Variants in ATP6V0A4 observed in about 807,000 individuals in gnomAD.
The protein encoded by ATP6V0A4 is ATPase H+ transporting V0 subunit a4.
In ATP6V0A4, 86 loss-of-function variants were observed where a neutral mutation model predicts 107.3. The observed-to-expected ratio is 0.80, with a 90% CI of 0.67 to 0.96. The LOEUF is 0.96. ATP6V0A4 is among the 40% of genes least tolerant of loss of function. The pLI is 0.00. For synonymous variants in ATP6V0A4, 353 were observed against 381.4 expected (o/e 0.93, Z 0.87); for missense variants, 908 against 1,045.6 (o/e 0.87, Z 1.81).
intron 1 of ATP6V0A4, among the ~76,000 whole-genome samples, chr7:138,793,556 T>C (rs1808522040): frequency 6.6e-6 from 1 of 152,168 alleles, no homozygotes; most frequent in African/African-American, 2.4e-5. Flanking sequence ...TCTAATGGAC[T>C]TACCCGGAGC....
rs528505817 is a variant in ATP6V0A4, at chr7:138,725,366, T to G, written c.2011-3341A>C. ...ATTTGTAATTACTAACACTGCAATG[T>G]TGGATGAGAGAAGATAGATCCCAAA... On this transcript the variant is annotated intron_variant, in intron 18 of 21. Transcript: ENST00000310018. Among the ~76,000 whole-genome samples the G allele has an allele frequency of 8.5e-5, 13 of 152,286 alleles. No homozygotes were observed. The East Asian group carries it at 2.3e-3, about 27-fold the overall frequency.
intron 5 of ATP6V0A4, among the ~76,000 whole-genome samples, chr7:138,763,975 A>T (rs12669992): frequency 0.034 from 4,899 of 143,528 alleles, 104 homozygotes; most frequent in Admixed American, 0.044. Context: ...TCAAAAAAAA[A>T]ATATATATAT....
intron 14 of ATP6V0A4, among the ~76,000 whole-genome samples, chr7:138,743,890 G>A (rs1234810106): frequency 1.3e-5 from 2 of 152,092 alleles, no homozygotes; most frequent in Non-Finnish European, 2.9e-5. Flanking sequence ...AGAGGCTGTC[G>A]CAATTTCTAT....
At position 138,772,976 on chromosome 7, in the gene ATP6V0A4, G is replaced by A. The variant is rs1412987099; in HGVS notation, c.-17-1712C>T. Among the ~76,000 whole-genome samples, 3 of 152,140 alleles carry A rather than the reference G, an allele frequency of 2.0e-5. No homozygotes were observed. In the South Asian group the frequency reaches 6.2e-4, roughly 31 times the overall value. The stretch of plus-strand genomic sequence containing the variant: ...CACATGAGAGCCAAGGGGAGGAGGA[G>A]GGCACAGAAGCTATTCCCAAAGATC... On this transcript the variant is annotated intron_variant, in intron 2 of 21. Coordinates refer to ENST00000310018, the MANE Select transcript of ATP6V0A4 (RefSeq NM_020632.3).
At chr7:138,707,710 T>G (rs1803519213) in intron 21 of ATP6V0A4, among the ~76,000 whole-genome samples, 2 of 151,402 alleles carry the variant, frequency 1.3e-5, no homozygotes, top group African/African-American at 4.9e-5. Context: ...GCCATGAATC[T>G]GAGGATTTTT....
rs182942721 is a variant in ATP6V0A4 at position 138,723,789 on chromosome 7, G to A, written c.2011-1764C>T. Among the ~76,000 whole-genome samples, 3 of 151,866 alleles carry A rather than the reference G, an allele frequency of 2.0e-5. No individual in the cohort carries two copies. The East Asian group carries it at 5.8e-4, about 29-fold the overall frequency. ...GATCCACCTGCCTCGGCCTCCCAAA[G>A]TGCTACGATTACAGGCGTGAGCCAC... On this transcript the variant is annotated intron_variant, in intron 18 of 21. Coordinates refer to ENST00000310018, the MANE Select transcript of ATP6V0A4 (RefSeq NM_020632.3).
chr7:138,792,770 T>TTTTTTTG, intron 1 of ATP6V0A4, among the ~76,000 whole-genome samples: 1 of 80,704 alleles, frequency 1.2e-5, no homozygotes, highest in Non-Finnish European at 2.5e-5. Context: ...AGGTTTGTTT[T>TTTTTTTG]TTTTTTTGTT....
intron 13 of ATP6V0A4, among the ~76,000 whole-genome samples, chr7:138,746,759 C>T (rs2117275964): frequency 6.6e-6 from 1 of 152,296 alleles, no homozygotes; most frequent in East Asian, 1.9e-4. Flanking sequence ...CCACCATGGC[C>T]TCCCAAAGTG....
At chr7:138,736,116 C>T (rs769533617) in intron 15 of ATP6V0A4, among the ~76,000 whole-genome samples, 6 of 151,980 alleles carry the variant, frequency 3.9e-5, no homozygotes, top group Non-Finnish European at 8.8e-5. Context: ...TGGCATGGCA[C>T]GTGCCTGTAG....
chr7:138,736,113 G>A (rs1432804449), intron 15 of ATP6V0A4, among the ~76,000 whole-genome samples: 1 of 151,858 alleles, frequency 6.6e-6, no homozygotes. Context: ...GCATGGCATG[G>A]CACGTGCCTG....
Position 138,711,739 on chromosome 7 carries a change from T to G in ATP6V0A4, c.2258-1944A>C, listed in dbSNP as rs185451971. Among the ~76,000 whole-genome samples the G allele has an allele frequency of 1.7e-3, 263 of 152,370 alleles. 1 individual carries two copies. The highest frequency in any genetic ancestry group is 6.1e-3 in the African/African-American group (252 of 41,582). ...TCCAGTGCTTAGCATTCGTGTGATC[T>G]TCACAGCTCAGGCTATGTTCATTTC... On this transcript the variant is annotated intron_variant, in intron 20 of 21. Coordinates refer to ENST00000310018, the MANE Select transcript of ATP6V0A4 (RefSeq NM_020632.3).
chr7:138,745,603 G>A (rs901124538), intron 13 of ATP6V0A4, among the ~76,000 whole-genome samples: 2 of 144,174 alleles, frequency 1.4e-5, no homozygotes, highest in Non-Finnish European at 3.0e-5. Context: ...CTTGAACCTG[G>A]GAGTTGGAGG....
At chr7:138,747,776 A>G in intron 12 of ATP6V0A4, 1 of 772,072 alleles carries the variant, frequency 1.3e-6, no homozygotes, top group Non-Finnish European at 2.0e-6. Context: ...TTTTTTTGAA[A>G]GTGGGTCTCG....
intron 12 of ATP6V0A4, chr7:138,747,785 C>T (rs552921486): frequency 3.4e-5 from 20 of 587,200 alleles, no homozygotes; most frequent in Admixed American, 9.9e-5. Context: ...AAGTGGGTCT[C>T]GCTCTGTCAC....
At chr7:138,707,222 A>T (rs1343767757) in intron 21 of ATP6V0A4, among the ~76,000 whole-genome samples, 1 of 84,292 alleles carries the variant, frequency 1.2e-5, no homozygotes, top group African/African-American at 5.3e-5. Context: ...ATTATATAGA[A>T]TATATTATAT....
chr7:138,723,894 A>C (rs1006755459), intron 18 of ATP6V0A4, among the ~76,000 whole-genome samples: 2 of 151,986 alleles, frequency 1.3e-5, no homozygotes, highest in Admixed American at 6.6e-5. Flanking sequence ...CAAAGACAGT[A>C]GTTCACATGC....
intron 7 of ATP6V0A4, among the ~76,000 whole-genome samples, chr7:138,760,149 A>G (rs2117309731): frequency 6.6e-6 from 1 of 152,308 alleles, no homozygotes; most frequent in Admixed American, 6.5e-5. Flanking sequence ...TGCAATTAAG[A>G]ATATGATAGA....
At chr7:138,796,034 A>T (rs1174809235) in intron 1 of ATP6V0A4, among the ~76,000 whole-genome samples, 1 of 152,242 alleles carries the variant, frequency 6.6e-6, no homozygotes, top group South Asian at 2.1e-4. Context: ...TGGGGATTCC[A>T]CGTACCGCTG....
At chr7:138,716,004 G>T in intron 19 of ATP6V0A4, 123 bp from the exon 20 acceptor site, 1 of 1,338,094 alleles carries the variant, frequency 7.5e-7, no homozygotes, top group Non-Finnish European at 1.0e-6. Flanking sequence ...CTAACTAGGG[G>T]AAAAGAAATA....
Sources: gnomAD v4.1 joint callset for allele counts (sites outside exome capture counted in the v4.1 genomes callset) on GRCh38, gnomAD v4.1.1 for gene constraint, MANE v1.5 for transcripts, NCBI Gene and HGNC (gene_info 2026-07-23, HGNC 2026-07-21) for gene names.